Variants in GUCY2C observed in about 807,000 individuals in gnomAD.
GUCY2C encodes guanylate cyclase 2C, also known as guanylyl cyclase C.
Under a neutral mutation model 131.1 loss-of-function variants are expected in GUCY2C, and 118 were observed. The observed-to-expected ratio is 0.90, with a 90% CI of 0.78 to 1.05. GUCY2C has a LOEUF of 1.05. GUCY2C is among the 50% of genes least tolerant of loss of function. The pLI, the probability that GUCY2C is intolerant of heterozygous loss-of-function variation, is 0.00. For missense variants in GUCY2C, 1,161 were observed against 1,304.4 expected, an observed-to-expected ratio of 0.89 and a Z score of 1.69; for synonymous variants, 452 against 457.8, an observed-to-expected ratio of 0.99 and a Z score of 0.16.
chr12:14,687,664 T>A (rs553246720), intron 2 of GUCY2C, among the ~76,000 whole-genome samples: 1 of 152,110 alleles, frequency 6.6e-6, no homozygotes, highest in African/African-American at 2.4e-5. Flanking sequence ...CAAAACAAAA[T>A]TTTTAAAACA....
At chr12:14,628,885 C>G (rs543476287) in intron 19 of GUCY2C, 148 bp from the exon 20 acceptor site, 1 of 610,366 alleles carries the variant, frequency 1.6e-6, no homozygotes, top group East Asian at 2.8e-5. Flanking sequence ...CCCCAGCTCT[C>G]TGGTTTCTGT....
chr12:14,662,124 G>T (rs1204315145), intron 10 of GUCY2C, among the ~76,000 whole-genome samples: 1 of 152,074 alleles, frequency 6.6e-6, no homozygotes, highest in Admixed American at 6.6e-5. Flanking sequence ...AGAAAAAATG[G>T]AATAGATTCC....
chr12:14,637,283 G>A (rs2137011731), intron 19 of GUCY2C, among the ~76,000 whole-genome samples: 1 of 148,812 alleles, frequency 6.7e-6, no homozygotes, highest in East Asian at 2.0e-4. Context: ...TGATGAAAAT[G>A]AAGAGGACAA....
chr12:14,696,138 T>C, intron 1 of GUCY2C, 94 bp downstream of exon 1: 1 of 946,622 alleles, frequency 1.1e-6, no homozygotes, highest in South Asian at 1.4e-5. Context: ...TAGAGAAAGT[T>C]GTGTGATCAA....
intron 7 of GUCY2C, among the ~76,000 whole-genome samples, chr12:14,675,220 A>G (rs9738595): frequency 6.8e-6 from 1 of 148,026 alleles, no homozygotes; most frequent in Non-Finnish European, 1.5e-5. Flanking sequence ...AAAAAAAAAA[A>G]AAAAAAAAAG....
In GUCY2C at chr12:14,669,658, A is replaced by G. The variant is rs989324849; in HGVS notation, c.1282+64T>C. ...AGCACAGGCTAATTACATAAACAAT[A>G]GACTTTACTTTTCTTACCAGGAAAA... On this transcript the variant is annotated intron_variant, in intron 10 of 26. Coordinates refer to ENST00000261170, the MANE Select transcript of GUCY2C (RefSeq NM_004963.4). The G allele has an allele frequency of 1.1e-5, 9 of 814,750 alleles. No homozygotes were observed. In the Admixed American group the frequency reaches 2.0e-4, roughly 18 times the overall value. 50.5% of individuals were successfully genotyped at this position (814,750 alleles called of 1,614,324 possible). A position where few individuals can be genotyped will look rare whatever the true frequency, so the allele number is the denominator to read the frequency against.
In GUCY2C at chr12:14,651,501, A is replaced by G. The variant is rs746530321; in HGVS notation, c.1616T>C (p.Ile539Thr). 1.6e-5 allele frequency: 26 copies of G among 1,583,460 alleles called. 1 individual carries two copies. Among genetic ancestry groups the G allele is most frequent in the South Asian group, 2.2e-5 (2 of 90,232 alleles). Residue 539 changes from isoleucine to threonine, a missense_variant, in exon 15 of 27, where the codon ATT becomes ACT. Physicochemically the swap from Ile to Thr is moderately conservative, Grantham distance 89. Transcript: ENST00000261170. Reference protein sequence around the residue: ...QKIELNKLLQIDYYNLTKFYG... With the variant: ...QKIELNKLLQTDYYNLTKFYG... ...GAACTTGGTCAGGTTGTAATAGTCA[A>G]TCTGAAGCAACTAGAAGAACGTGTT... is the stretch of plus-strand genomic sequence containing the variant.
At chr12:14,625,970 T>C (rs183992117) in intron 20 of GUCY2C, 55 bp from the exon 21 acceptor site, 2 of 1,027,736 alleles carry the variant, frequency 1.9e-6, no homozygotes, top group African/African-American at 1.6e-5. Context: ...AACATGAACA[T>C]CCAATAAAAC....
chr12:14,618,541 A>T (rs1946819118), intron 24 of GUCY2C, among the ~76,000 whole-genome samples: 1 of 152,068 alleles, frequency 6.6e-6, no homozygotes, highest in Admixed American at 6.6e-5. Flanking sequence ...CAATTTCCAG[A>T]AAAAACGAAT....
intron 9 of GUCY2C, among the ~76,000 whole-genome samples, chr12:14,670,318 C>G (rs1948079557): frequency 6.6e-6 from 1 of 152,200 alleles, no homozygotes; most frequent in Non-Finnish European, 1.5e-5. Context: ...AACTACATTT[C>G]TTAACTTCTA....
In GUCY2C at chr12:14,652,947, G is replaced by C; in HGVS notation, c.1533+5C>G. On this transcript the variant is annotated splice_donor_5th_base_variant and intron_variant, in intron 13 of 26. Coordinates refer to ENST00000261170, the MANE Select transcript of GUCY2C (RefSeq NM_004963.4). ...TGGAGAGTTCAGAGAAGTGGGAGAG[G>C]TCACCTTTTTGTCGTATTTGCACTG... 2 of 1,594,140 alleles carry C rather than the reference G, an allele frequency of 1.3e-6. No individual in the cohort carries two copies. The highest frequency in any genetic ancestry group is 1.7e-6 in the Non-Finnish European group (2 of 1,161,652).
intron 23 of GUCY2C, 51 bp from the exon 24 acceptor site, chr12:14,619,360 T>C: frequency 8.8e-7 from 1 of 1,140,162 alleles, no homozygotes; most frequent in Non-Finnish European, 1.3e-6. Flanking sequence ...AATTGCAGAG[T>C]AGAGTGAAGA....
At chr12:14,647,539 C>A (rs1275187667) in intron 15 of GUCY2C, among the ~76,000 whole-genome samples, 4 of 152,134 alleles carry the variant, frequency 2.6e-5, no homozygotes, top group African/African-American at 9.7e-5. Flanking sequence ...TGAATGATTT[C>A]AGCTTCCAAA....
chr12:14,617,317 T>A (rs1425996513), intron 24 of GUCY2C, among the ~76,000 whole-genome samples: 1 of 152,098 alleles, frequency 6.6e-6, no homozygotes, highest in African/African-American at 2.4e-5. Flanking sequence ...TAATCTCACG[T>A]GGGAAGAAAG....
chr12:14,618,351 GA>G (rs1203240175), intron 24 of GUCY2C, among the ~76,000 whole-genome samples: 1 of 151,906 alleles, frequency 6.6e-6, no homozygotes, highest in Admixed American at 6.6e-5. Flanking sequence ...CACCTCTACA[GA>G]AAAAATTAAA....
At chr12:14,676,692 T>TC (rs1291703587) in intron 7 of GUCY2C, among the ~76,000 whole-genome samples, 162 bp downstream of exon 7, 1 of 152,202 alleles carries the variant, frequency 6.6e-6, no homozygotes, top group African/African-American at 2.4e-5. Flanking sequence ...CAAAATGCTG[T>TC]ACATGTAGTT....
chr12:14,675,528 A>C (rs1348528324), intron 7 of GUCY2C, among the ~76,000 whole-genome samples: 1 of 152,228 alleles, frequency 6.6e-6, no homozygotes, highest in African/African-American at 2.4e-5. Flanking sequence ...CCTGCGTTTA[A>C]GTATTCTGAG....
chr12:14,615,956 A>G (rs533773695), intron 25 of GUCY2C, among the ~76,000 whole-genome samples: 7 of 152,332 alleles, frequency 4.6e-5, no homozygotes, highest in African/African-American at 1.7e-4. Context: ...CCTGAGAAGC[A>G]TTTGGAGACA....
chr12:14,662,484 A>G (rs1363159070), intron 10 of GUCY2C, among the ~76,000 whole-genome samples: 1 of 151,908 alleles, frequency 6.6e-6, no homozygotes. Flanking sequence ...AGACCAGCCT[A>G]GCCAACATGG....
Sources: allele counts gnomAD v4.1 joint callset (sites outside exome capture counted in the v4.1 genomes callset), GRCh38; gene constraint gnomAD v4.1.1; transcripts MANE v1.5; gene names NCBI Gene and HGNC (gene_info 2026-07-23, HGNC 2026-07-21).